Variants in SLC24A2 observed in about 807,000 individuals in gnomAD.
SLC24A2 encodes the protein sodium/potassium/calcium exchanger 2.
In SLC24A2, 36 loss-of-function variants were observed where a neutral mutation model predicts 62.0. The observed-to-expected ratio is 0.58, with a 90% CI of 0.44 to 0.77. The LOEUF is 0.77. Among genes scored for constraint, SLC24A2 ranks in the 30% least tolerant of loss-of-function variants. SLC24A2 has a pLI of 0.00. For synonymous variants in SLC24A2, 358 were observed against 294.0 expected (o/e 1.22, Z -2.23); for missense variants, 846 against 817.9 (o/e 1.03, Z -0.42).
chr9:19,759,605 G>T (rs1294390190), intron 2 of SLC24A2, among the ~76,000 whole-genome samples: 1 of 152,120 alleles, frequency 6.6e-6, no homozygotes, highest in African/African-American at 2.4e-5. Context: ...AAAATTAATT[G>T]CTGTATCTCT....
intron 2 of SLC24A2, among the ~76,000 whole-genome samples, chr9:19,680,287 C>T (rs1165223498): frequency 6.6e-6 from 1 of 152,128 alleles, no homozygotes; most frequent in Non-Finnish European, 1.5e-5. Flanking sequence ...TGGAGGAGAA[C>T]TGGGCACTTC....
the SLC24A2 span, among the ~76,000 whole-genome samples, chr9:20,059,100 A>T: frequency 6.6e-6 from 1 of 152,212 alleles, no homozygotes; most frequent in Admixed American, 6.5e-5. Flanking sequence ...TAATCCCTGG[A>T]ATTTGTAAAT....
the SLC24A2 span, among the ~76,000 whole-genome samples, chr9:20,178,924 A>G: frequency 1.3e-5 from 2 of 152,164 alleles, no homozygotes; most frequent in East Asian, 3.9e-4. Flanking sequence ...ACTGAGCACC[A>G]TACTACTATG....
the SLC24A2 span, among the ~76,000 whole-genome samples, chr9:20,226,975 T>A: frequency 6.6e-6 from 1 of 152,214 alleles, no homozygotes; most frequent in African/African-American, 2.4e-5. Flanking sequence ...AGAACAAACT[T>A]GAATAGCTGT....
the SLC24A2 span, among the ~76,000 whole-genome samples, chr9:20,289,893 A>G: frequency 6.6e-6 from 1 of 152,166 alleles, no homozygotes; most frequent in South Asian, 2.1e-4. Flanking sequence ...CTACGCTTCT[A>G]TGAATCTCCC....
the SLC24A2 span, among the ~76,000 whole-genome samples, chr9:19,915,521 T>C: frequency 1.3e-5 from 2 of 152,148 alleles, no homozygotes; most frequent in Non-Finnish European, 2.9e-5. Context: ...TCCAGAGCAC[T>C]GCACCATTTA....
the SLC24A2 span, among the ~76,000 whole-genome samples, chr9:20,243,759 T>C: frequency 6.6e-6 from 1 of 152,114 alleles, no homozygotes; most frequent in African/African-American, 2.4e-5. Context: ...GGTGATGCCA[T>C]ATGACCTCAC....
chr9:20,019,970 A>G, the SLC24A2 span, among the ~76,000 whole-genome samples: 1 of 152,208 alleles, frequency 6.6e-6, no homozygotes, highest in African/African-American at 2.4e-5. Context: ...ATATGGAAAG[A>G]GGCTCATCAT....
chr9:19,537,026 T>C (rs1254381867), intron 8 of SLC24A2, among the ~76,000 whole-genome samples: 1 of 148,228 alleles, frequency 6.7e-6, no homozygotes, highest in East Asian at 2.0e-4. Context: ...GTTCATGTCC[T>C]TTGCCCACTT....
At chr9:20,037,182 G>C in the SLC24A2 span, among the ~76,000 whole-genome samples, 1 of 152,144 alleles carries the variant, frequency 6.6e-6, no homozygotes, top group Non-Finnish European at 1.5e-5. Flanking sequence ...ACAGGCGTGA[G>C]CCGCTGCACC....
the SLC24A2 span, among the ~76,000 whole-genome samples, chr9:20,129,840 T>C: frequency 6.6e-6 from 1 of 151,754 alleles, no homozygotes; most frequent in Non-Finnish European, 1.5e-5. Flanking sequence ...AGGAAAATGT[T>C]CAGGAACTAT....
the SLC24A2 span, among the ~76,000 whole-genome samples, chr9:19,922,674 A>G: frequency 6.6e-6 from 1 of 152,140 alleles, no homozygotes; most frequent in Non-Finnish European, 1.5e-5. Context: ...AGCCCATCAC[A>G]CAGCTAACTC....
At chr9:19,863,957 AAG>A in the SLC24A2 span, among the ~76,000 whole-genome samples, 1 of 152,020 alleles carries the variant, frequency 6.6e-6, no homozygotes, top group African/African-American at 2.4e-5. Flanking sequence ...CTAACAAAAA[AAG>A]AGAGAAGATT....
chr9:19,602,288 C>A (rs1479076987), intron 4 of SLC24A2, among the ~76,000 whole-genome samples: 4 of 152,198 alleles, frequency 2.6e-5, no homozygotes, highest in Admixed American at 2.6e-4. Context: ...TAGAACCCAT[C>A]ATTCTATGAT....
At chr9:19,972,775 T>A in the SLC24A2 span, among the ~76,000 whole-genome samples, 1 of 152,226 alleles carries the variant, frequency 6.6e-6, no homozygotes, top group Non-Finnish European at 1.5e-5. Flanking sequence ...AAATACAATT[T>A]GGGAAGTACT....
chr9:19,832,065 C>G, the SLC24A2 span, among the ~76,000 whole-genome samples: 3 of 152,282 alleles, frequency 2.0e-5, no homozygotes, highest in African/African-American at 7.2e-5. Flanking sequence ...CACATCTTTG[C>G]CTGTCTGTAC....
the SLC24A2 span, among the ~76,000 whole-genome samples, chr9:20,111,303 C>A: frequency 6.6e-6 from 1 of 152,182 alleles, no homozygotes; most frequent in Non-Finnish European, 1.5e-5. Context: ...GATCTCCCTA[C>A]TGAATGCCCA....
chr9:19,719,315 A>C (rs1820955795), intron 2 of SLC24A2, among the ~76,000 whole-genome samples: 1 of 152,210 alleles, frequency 6.6e-6, no homozygotes, highest in South Asian at 2.1e-4. Context: ...AAGATGTTAA[A>C]ACCTTGAAGA....
the SLC24A2 span, among the ~76,000 whole-genome samples, chr9:20,238,189 A>T: frequency 6.6e-6 from 1 of 152,150 alleles, no homozygotes; most frequent in Non-Finnish European, 1.5e-5. Context: ...GTACTTTGAT[A>T]CTTTCACGTG....
Sources: allele counts gnomAD v4.1 joint callset (sites outside exome capture counted in the v4.1 genomes callset), GRCh38; gene constraint gnomAD v4.1.1; transcripts MANE v1.5; gene names NCBI Gene and HGNC (gene_info 2026-07-23, HGNC 2026-07-21).